Variants in CLPB observed in about 807,000 individuals in gnomAD.
CLPB encodes mitochondrial disaggregase.
In CLPB, 40 loss-of-function variants were observed where a neutral mutation model predicts 78.4. That is an observed-to-expected ratio of 0.51 (90% confidence interval 0.40 to 0.66). The LOEUF (loss-of-function observed/expected upper bound fraction) is 0.66, where lower values mean the gene tolerates loss of function less well. Ranked by LOEUF, CLPB falls within the 30% of genes least tolerant of loss-of-function variation. The probability of loss-of-function intolerance (pLI) is 0.00; values close to 1 mark genes in which losing one functional copy is unlikely to be tolerated. For synonymous variants in CLPB, 333 were observed against 348.0 expected (o/e 0.96, Z 0.48); for missense variants, 780 against 886.9 (o/e 0.88, Z 1.53).
At chr11:72,307,974 G>T (rs1276851429) in intron 8 of CLPB, among the ~76,000 whole-genome samples, 1 of 152,186 alleles carries the variant, frequency 6.6e-6, no homozygotes, top group Non-Finnish European at 1.5e-5. Flanking sequence ...AGTGCTTCTG[G>T]TGGGAGGTGG....
chr11:72,397,631 T>G (rs534798859), intron 3 of CLPB, among the ~76,000 whole-genome samples: 9 of 152,326 alleles, frequency 5.9e-5, no homozygotes, highest in Middle Eastern at 3.4e-3. Context: ...ATGTGCTTAT[T>G]TGCCACCCAT....
At chr11:72,359,222 G>T in intron 4 of CLPB, 1 of 706,010 alleles carries the variant, frequency 1.4e-6, no homozygotes, top group Non-Finnish European at 2.5e-6. Context: ...TCTGTTATGT[G>T]TTAGGATTCA....
At chr11:72,407,362 G>A (rs770032575) in intron 2 of CLPB, among the ~76,000 whole-genome samples, 60 of 152,324 alleles carry the variant, frequency 3.9e-4, no homozygotes, top group Admixed American at 5.9e-4. Flanking sequence ...CCAGTCTAAT[G>A]GGTGGGTGTA....
chr11:72,371,069 T>C (rs1243321524), intron 4 of CLPB, among the ~76,000 whole-genome samples: 1 of 152,052 alleles, frequency 6.6e-6, no homozygotes, highest in Non-Finnish European at 1.5e-5. Flanking sequence ...TCTGAGTGGT[T>C]TTTTTGTTTT....
At chr11:72,418,212 T>C (rs567283941) in intron 2 of CLPB, among the ~76,000 whole-genome samples, 2 of 152,298 alleles carry the variant, frequency 1.3e-5, no homozygotes, top group East Asian at 1.9e-4. Flanking sequence ...CCAGACTCCA[T>C]CTGTACCATG....
At position 72,293,518 on chromosome 11, in the gene CLPB, T is replaced by C. The variant is rs1434830439; in HGVS notation, c.1883A>G (p.Lys628Arg). Residue 628 changes from lysine (K) to arginine (R), a missense_variant, in exon 16 of 16, where the codon AAG (lysine) becomes AGG (arginine). Physicochemically the swap from Lys to Arg is conservative, Grantham distance 26. Transcript: ENST00000538039. ...CAGTTCTGGGCTTTTGAGTAGCTGC[T>C]TGTCTGAGTCCTCCACCGTGATGCG... is the stretch of plus-strand genomic sequence containing the variant. ...TLRITVEDSD[K>R]QLLKSPELPS... The C allele has an allele frequency of 6.2e-6, 10 of 1,613,998 alleles. No individual in the cohort carries two copies. The highest frequency in any genetic ancestry group is 8.5e-6 in the Non-Finnish European group (10 of 1,180,014).
At chr11:72,386,153 T>C (rs1486747746) in intron 3 of CLPB, among the ~76,000 whole-genome samples, 3 of 152,204 alleles carry the variant, frequency 2.0e-5, no homozygotes. Flanking sequence ...TTTTTTCTTC[T>C]TTTCCAGAAT....
At chr11:72,423,365 T>G (rs1307052057) in intron 2 of CLPB, among the ~76,000 whole-genome samples, 5 of 152,186 alleles carry the variant, frequency 3.3e-5, no homozygotes, top group Admixed American at 2.6e-4. Flanking sequence ...AAACTGAAAT[T>G]CATTAAGACC....
At chr11:72,345,048 C>T (rs112385984) in intron 5 of CLPB, among the ~76,000 whole-genome samples, 84 of 152,278 alleles carry the variant, frequency 5.5e-4, no homozygotes, top group African/African-American at 2.0e-3. Flanking sequence ...GGAGAGGCTA[C>T]AAGGAAACAG....
In CLPB at chr11:72,293,451, C is replaced by T; in HGVS notation, c.1950G>A (p.Leu650=). 6.2e-7 allele frequency: 1 copy of T among 1,614,182 alleles called. No individual in the cohort carries two copies. The highest frequency in any genetic ancestry group is 8.5e-7 in the Non-Finnish European group (1 of 1,180,034). ...TCTTGCTGTCCTTGTCGATGATCTC[C>T]AGACGCAGCTTGGGGAGGCGCTTCT... ...QAEKRLPKLR[L]EIIDKDSKTR... Residue 650 remains leucine (L), a synonymous_variant, in exon 16 of 16, where the codon CTG becomes CTA. Coordinates refer to ENST00000538039, the MANE Select transcript of CLPB (RefSeq NM_001258392.3).
chr11:72,415,836 T>C (rs1443758797), intron 2 of CLPB, among the ~76,000 whole-genome samples: 3 of 152,312 alleles, frequency 2.0e-5, no homozygotes, highest in Admixed American at 2.0e-4. Flanking sequence ...AAGGGGATGG[T>C]TGCCCTGCTC....
intron 1 of CLPB, among the ~76,000 whole-genome samples, chr11:72,432,366 C>T (rs995189597): frequency 6.6e-6 from 1 of 152,216 alleles, no homozygotes; most frequent in African/African-American, 2.4e-5. Context: ...TTCCTGCTCT[C>T]ATGGGGCTCA....
chr11:72,327,198 C>T (rs1031596849), intron 6 of CLPB, among the ~76,000 whole-genome samples: 2 of 152,190 alleles, frequency 1.3e-5, no homozygotes, highest in African/African-American at 4.8e-5. Context: ...AGCTGCTGCC[C>T]AATAAGCCTA....
chr11:72,394,785 C>T (rs1855356749), intron 3 of CLPB, among the ~76,000 whole-genome samples: 1 of 152,192 alleles, frequency 6.6e-6, no homozygotes, highest in Non-Finnish European at 1.5e-5. Context: ...TTCCTGGGGG[C>T]ACGGTGCTGC....
intron 7 of CLPB, among the ~76,000 whole-genome samples, chr11:72,316,635 A>G (rs1184778025): frequency 2.6e-5 from 4 of 152,220 alleles, no homozygotes; most frequent in South Asian, 4.1e-4. Context: ...TTTCTATAAA[A>G]TTAGGCCAGC....
intron 5 of CLPB, among the ~76,000 whole-genome samples, chr11:72,346,599 A>T (rs1024908058): frequency 6.6e-6 from 1 of 151,754 alleles, no homozygotes; most frequent in Non-Finnish European, 1.5e-5. Context: ...AAAAAAAAAA[A>T]GATGGAGATA....
chr11:72,302,398 A>G, intron 9 of CLPB, 50 bp from the exon 10 acceptor site: 1 of 1,559,452 alleles, frequency 6.4e-7, no homozygotes. Context: ...AGGAAAGTGA[A>G]GAGAAGGGTT....
intron 2 of CLPB, among the ~76,000 whole-genome samples, chr11:72,405,009 C>T (rs766484919): frequency 3.9e-5 from 6 of 152,132 alleles, no homozygotes; most frequent in African/African-American, 1.4e-4. Flanking sequence ...TGGTAGAGAG[C>T]GCATGGTTCT....
rs974377052 is a variant in CLPB, at chr11:72,329,706, C to T, written c.873+1G>A. 1 of 1,610,626 alleles carries T rather than the reference C, an allele frequency of 6.2e-7. No homozygotes were observed. Among genetic ancestry groups the T allele is most frequent in the South Asian group, 1.1e-5 (1 of 90,988 alleles). ...GGCCTCCTCCCTTCCCTGAGACTTACCTTGGCTTCAGAAGTCCTCAGAAGC... is the reference window on the plus strand; with the variant it reads ...GGCCTCCTCCCTTCCCTGAGACTTATCTTGGCTTCAGAAGTCCTCAGAAGC... On this transcript the variant is annotated splice_donor_variant, in intron 6 of 15. Transcript: ENST00000538039. LOFTEE classifies it high-confidence loss of function.
Sources: allele counts gnomAD v4.1 joint callset (sites outside exome capture counted in the v4.1 genomes callset), GRCh38; gene constraint gnomAD v4.1.1; transcripts MANE v1.5; gene names NCBI Gene and HGNC (gene_info 2026-07-23, HGNC 2026-07-21).